The following DCDC2 variants were observed in gnomAD, a reference collection of about 807,000 sequenced individuals.
The protein encoded by DCDC2 is doublecortin domain containing 2, also known as doublecortin domain-containing protein 2.
A neutral mutation model predicts 50.2 loss-of-function variants in DCDC2; 40 were observed. The observed-to-expected ratio is 0.80, with a 90% CI of 0.62 to 1.04. DCDC2 has a LOEUF of 1.04. Ranked by LOEUF, DCDC2 falls within the 50% of genes least tolerant of loss-of-function variation. The pLI, the probability that DCDC2 is intolerant of heterozygous loss-of-function variation, is 0.00. For missense variants in DCDC2, 570 were observed against 581.9 expected (o/e 0.98, Z 0.21); for synonymous variants, 234 against 210.6 (o/e 1.11, Z -0.96).
chr6:24,234,206 G>C (rs1013995197), intron 7 of DCDC2, among the ~76,000 whole-genome samples: 1 of 148,330 alleles, frequency 6.7e-6, no homozygotes, highest in Non-Finnish European at 1.5e-5. Context: ...GCCGTATGAG[G>C]AAGGAGAATT....
chr6:24,188,684 T>C (rs1761253305), intron 8 of DCDC2, among the ~76,000 whole-genome samples: 1 of 152,164 alleles, frequency 6.6e-6, no homozygotes, highest in African/African-American at 2.4e-5. Context: ...TACATACATC[T>C]TGAAATTTCA....
chr6:24,328,162 T>C (rs191272310), intron 2 of DCDC2, among the ~76,000 whole-genome samples: 1 of 152,372 alleles, frequency 6.6e-6, no homozygotes. Flanking sequence ...CTCCTCTGTA[T>C]ATACAGGAAA....
At chr6:24,365,060 CTT>C in the DCDC2 span, among the ~76,000 whole-genome samples, 1 of 152,022 alleles carries the variant, frequency 6.6e-6, no homozygotes, top group African/African-American at 2.4e-5. Flanking sequence ...TGACAAGCCT[CTT>C]GTCAGGTGAA....
chr6:24,358,892 T>TATATATA (rs1760553062), upstream of DCDC2, among the ~76,000 whole-genome samples: 4 of 34,244 alleles, frequency 1.2e-4, no homozygotes, highest in African/African-American at 2.7e-4. Context: ...TATATATTTA[T>TATATATA]ATATATAATA....
intron 2 of DCDC2, among the ~76,000 whole-genome samples, chr6:24,329,286 T>C (rs1443063349): frequency 6.6e-6 from 1 of 152,140 alleles, no homozygotes; most frequent in African/African-American, 2.4e-5. Flanking sequence ...TAACCCTCAT[T>C]CCCTTTGCAC....
chr6:24,341,912 A>C (rs1470483257), intron 2 of DCDC2, among the ~76,000 whole-genome samples: 1 of 151,114 alleles, frequency 6.6e-6, no homozygotes, highest in Non-Finnish European at 1.5e-5. Context: ...CCCAACAATC[A>C]GACATGTAAG....
intron 2 of DCDC2, among the ~76,000 whole-genome samples, chr6:24,336,461 G>A (rs1055200299): frequency 6.6e-6 from 1 of 152,010 alleles, no homozygotes; most frequent in Non-Finnish European, 1.5e-5. Context: ...ACACATAGAA[G>A]TATATTATGT....
At chr6:24,379,586 T>C in the DCDC2 span, among the ~76,000 whole-genome samples, 2 of 152,202 alleles carry the variant, frequency 1.3e-5, no homozygotes, top group African/African-American at 4.8e-5. Flanking sequence ...TTTTACACTG[T>C]TGGTGGAAGT....
chr6:24,310,146 T>C (rs999306548), intron 2 of DCDC2, among the ~76,000 whole-genome samples: 5 of 152,202 alleles, frequency 3.3e-5, no homozygotes, highest in African/African-American at 1.2e-4. Flanking sequence ...TGTATTAAAG[T>C]GTTTTTTAAA....
intron 7 of DCDC2, among the ~76,000 whole-genome samples, chr6:24,241,125 G>T (rs1561903176): frequency 6.6e-6 from 1 of 152,180 alleles, no homozygotes; most frequent in Non-Finnish European, 1.5e-5. Context: ...TCAGCCACCT[G>T]GGGTTAGATA....
intron 5 of DCDC2, among the ~76,000 whole-genome samples, chr6:24,289,987 T>C (rs1276861937): frequency 0.011 from 758 of 72,020 alleles, 46 homozygotes; most frequent in African/African-American, 0.042. Context: ...TTTTTTTTTT[T>C]TTTTTTTTTT....
intron 7 of DCDC2, among the ~76,000 whole-genome samples, chr6:24,213,203 TGAG>T (rs1250419631): frequency 6.6e-6 from 1 of 152,150 alleles, no homozygotes; most frequent in African/African-American, 2.4e-5. Flanking sequence ...TTGAGATTTA[TGAG>T]GATGAGTAAG....
At chr6:24,194,415 G>T (rs1761381964) in intron 8 of DCDC2, among the ~76,000 whole-genome samples, 2 of 152,014 alleles carry the variant, frequency 1.3e-5, no homozygotes, top group Admixed American at 1.3e-4. Context: ...TATTTTATTA[G>T]TCAAAATCAA....
At chr6:24,323,942 G>A (rs1759814330) in intron 2 of DCDC2, among the ~76,000 whole-genome samples, 1 of 152,188 alleles carries the variant, frequency 6.6e-6, no homozygotes, top group African/African-American at 2.4e-5. Context: ...AAACAGAGGA[G>A]AAAGTACAGT....
intron 7 of DCDC2, among the ~76,000 whole-genome samples, chr6:24,272,061 T>C (rs955962136): frequency 3.3e-5 from 5 of 152,186 alleles, no homozygotes; most frequent in African/African-American, 1.2e-4. Context: ...GAACAAAGTG[T>C]TTAAGAGGGC....
At chr6:24,381,854 GGAA>G in the DCDC2 span, among the ~76,000 whole-genome samples, 4 of 124,766 alleles carry the variant, frequency 3.2e-5, no homozygotes, top group Admixed American at 2.4e-4. Flanking sequence ...AAGGAAGGAA[GGAA>G]GGAGAAATAA....
chr6:24,227,240 G>A (rs1483670711), intron 7 of DCDC2, among the ~76,000 whole-genome samples: 1 of 152,182 alleles, frequency 6.6e-6, no homozygotes, highest in East Asian at 1.9e-4. Context: ...TGGATGAGAT[G>A]CCAGTTTTGT....
intron 8 of DCDC2, among the ~76,000 whole-genome samples, chr6:24,195,393 A>G (rs1415189430): frequency 6.6e-6 from 1 of 152,206 alleles, no homozygotes; most frequent in Non-Finnish European, 1.5e-5. Flanking sequence ...AGTAAAATAC[A>G]TATTACATAA....
At chr6:24,253,407 T>C (rs1311953786) in intron 7 of DCDC2, among the ~76,000 whole-genome samples, 1 of 152,220 alleles carries the variant, frequency 6.6e-6, no homozygotes, top group African/African-American at 2.4e-5. Flanking sequence ...CAACATAATG[T>C]ATCAAAACTG....
Sources: gnomAD v4.1 joint callset for allele counts (sites outside exome capture counted in the v4.1 genomes callset) on GRCh38, gnomAD v4.1.1 for gene constraint, MANE v1.5 for transcripts, NCBI Gene and HGNC (gene_info 2026-07-23, HGNC 2026-07-21) for gene names.